Variants in NKAIN3 observed in about 807,000 individuals in gnomAD.
The protein encoded by NKAIN3 is sodium/potassium transporting ATPase interacting 3.
Under a neutral mutation model 30.2 loss-of-function variants are expected in NKAIN3, and 25 were observed. The observed-to-expected ratio is 0.83, with a 90% CI of 0.60 to 1.16. The LOEUF (loss-of-function observed/expected upper bound fraction) is 1.16. NKAIN3 is among the 50% of genes most tolerant of loss of function. The probability of loss-of-function intolerance (pLI) is 0.00; values close to 1 mark genes in which losing one functional copy is unlikely to be tolerated. For missense variants in NKAIN3, 225 were observed against 254.1 expected (o/e 0.89, Z 0.78); for synonymous variants, 91 against 89.6 (o/e 1.02, Z -0.09).
chr8:62,547,662 G>T (rs1382181661), intron 1 of NKAIN3, among the ~76,000 whole-genome samples: 2 of 152,164 alleles, frequency 1.3e-5, no homozygotes, highest in Non-Finnish European at 2.9e-5. Flanking sequence ...GCTCAGTGAT[G>T]GTCTTAACAT....
intron 3 of NKAIN3, among the ~76,000 whole-genome samples, chr8:62,607,761 T>C (rs1811170855): frequency 6.6e-6 from 1 of 152,126 alleles, no homozygotes; most frequent in Non-Finnish European, 1.5e-5. Context: ...ACCAATATAG[T>C]ATCCTGAAGG....
At chr8:62,837,542 T>G in intron 4 of NKAIN3, among the ~76,000 whole-genome samples, 1 of 152,294 alleles carries the variant, frequency 6.6e-6, no homozygotes, top group East Asian at 1.9e-4. Flanking sequence ...TGTATTAGAG[T>G]GCCCACACAT....
At chr8:62,654,177 A>G (rs1812702459) in intron 3 of NKAIN3, among the ~76,000 whole-genome samples, 1 of 151,936 alleles carries the variant, frequency 6.6e-6, no homozygotes, top group Admixed American at 6.6e-5. Context: ...TGCAAAAAAA[A>G]ACTACAATTG....
chr8:62,453,918 A>G (rs1805728313), intron 1 of NKAIN3, among the ~76,000 whole-genome samples: 1 of 152,202 alleles, frequency 6.6e-6, no homozygotes, highest in Non-Finnish European at 1.5e-5. Context: ...CCAGGATCAG[A>G]CAGATGCATA....
intron 4 of NKAIN3, among the ~76,000 whole-genome samples, chr8:62,794,279 T>C (rs1235624131): frequency 6.6e-6 from 1 of 152,168 alleles, no homozygotes; most frequent in Non-Finnish European, 1.5e-5. Flanking sequence ...CTAGTCTGGC[T>C]CCAATAAATA....
rs564124630 is a variant in NKAIN3, at chr8:62,789,720, A to C, written c.471+42591A>C. Among the ~76,000 whole-genome samples the C allele has an allele frequency of 2.0e-5, 3 of 152,118 alleles. No homozygotes were observed. The South Asian group carries it at 6.2e-4, about 32-fold the overall frequency. ...TAAACTAGAAAATTTAGAAGAAATG[A>C]ATAAATTCCTGGACACATACACTCT... On this transcript the variant is annotated intron_variant, in intron 4 of 6. Coordinates refer to ENST00000623646, the MANE Select transcript of NKAIN3 (RefSeq NM_001304533.3).
chr8:62,676,714 CTTTT>C (rs5891868), intron 3 of NKAIN3, among the ~76,000 whole-genome samples: 4 of 138,492 alleles, frequency 2.9e-5, no homozygotes, highest in Admixed American at 7.2e-5. Context: ...TAATAACAGT[CTTTT>C]TTTTTTTTTT....
At position 62,980,386 on chromosome 8, in the gene NKAIN3, T is replaced by G. The variant is rs1199773795; in HGVS notation, c.*14979T>G. 2 of 152,236 alleles carry G rather than the reference T, an allele frequency of 1.3e-5. No homozygotes were observed. Among genetic ancestry groups the G allele is most frequent in the Non-Finnish European group, 2.9e-5 (2 of 68,036 alleles). The allele number at this position is 152,236 out of a possible 1,614,324, so 9.4% of individuals were successfully genotyped here. A position where few individuals can be genotyped will look rare whatever the true frequency, so the allele number is the denominator to read the frequency against. Reference sequence around the variant, plus strand: ...ATAGCAGGCATGCAATGTAGTTTTATAAGATAATATACTAGGACCATCTAT... The same window carrying G: ...ATAGCAGGCATGCAATGTAGTTTTAGAAGATAATATACTAGGACCATCTAT... On this transcript the variant is annotated 3_prime_UTR_variant, in exon 7 of 7. Transcript: ENST00000623646.
chr8:62,801,133 C>T (rs1818047083), intron 4 of NKAIN3, among the ~76,000 whole-genome samples: 1 of 152,204 alleles, frequency 6.6e-6, no homozygotes, highest in African/African-American at 2.4e-5. Context: ...CTGGGTGGAG[C>T]CCACCACAGC....
chr8:62,371,181 TTTG>T (rs1179342701), intron 1 of NKAIN3, among the ~76,000 whole-genome samples: 5 of 151,814 alleles, frequency 3.3e-5, no homozygotes, highest in Non-Finnish European at 5.9e-5. Context: ...GACAACATAT[TTTG>T]TTGTTGTTTT....
At chr8:62,659,119 G>C (rs150976447) in intron 3 of NKAIN3, among the ~76,000 whole-genome samples, 23 of 152,312 alleles carry the variant, frequency 1.5e-4, no homozygotes, top group African/African-American at 5.5e-4. Context: ...GCTTGACTAT[G>C]CCAAGGTCAC....
At chr8:62,804,211 T>C (rs1165583232) in intron 4 of NKAIN3, among the ~76,000 whole-genome samples, 2 of 152,168 alleles carry the variant, frequency 1.3e-5, no homozygotes, top group Admixed American at 6.5e-5. Flanking sequence ...CCATTCTGTC[T>C]GAAACTATTC....
At chr8:62,580,008 C>A (rs1167680801) in intron 2 of NKAIN3, among the ~76,000 whole-genome samples, 1 of 152,128 alleles carries the variant, frequency 6.6e-6, no homozygotes, top group Non-Finnish European at 1.5e-5. Flanking sequence ...TAGTTAGATG[C>A]AATGTACATT....
chr8:62,758,512 T>A (rs1438718807), intron 4 of NKAIN3, among the ~76,000 whole-genome samples: 4 of 152,192 alleles, frequency 2.6e-5, no homozygotes, highest in African/African-American at 7.2e-5. Context: ...AAAATATTTT[T>A]ATAATTAAAA....
At chr8:62,608,670 A>G (rs1220937812) in intron 3 of NKAIN3, among the ~76,000 whole-genome samples, 1 of 152,214 alleles carries the variant, frequency 6.6e-6, no homozygotes, top group Non-Finnish European at 1.5e-5. Context: ...AGCATCTGCA[A>G]TTATAGCATG....
intron 1 of NKAIN3, among the ~76,000 whole-genome samples, chr8:62,449,429 T>C (rs1805576439): frequency 6.6e-6 from 1 of 152,040 alleles, no homozygotes; most frequent in East Asian, 1.9e-4. Context: ...CATGAAGCAC[T>C]CAGGACTGTC....
chr8:62,796,880 T>A (rs558913181), intron 4 of NKAIN3, among the ~76,000 whole-genome samples: 4 of 151,982 alleles, frequency 2.6e-5, no homozygotes, highest in African/African-American at 9.6e-5. Context: ...AATCTGTCCA[T>A]TAGCACTTCA....
chr8:62,419,830 G>T (rs1804573718), intron 1 of NKAIN3, among the ~76,000 whole-genome samples: 1 of 152,100 alleles, frequency 6.6e-6, no homozygotes, highest in African/African-American at 2.4e-5. Flanking sequence ...AAAATGTTTT[G>T]CATCAGTTCC....
intron 4 of NKAIN3, among the ~76,000 whole-genome samples, chr8:62,790,987 A>G (rs1817688112): frequency 6.6e-6 from 1 of 152,044 alleles, no homozygotes; most frequent in Non-Finnish European, 1.5e-5. Context: ...TAGTAATTGT[A>G]TTATTGTGAG....
Sources: gnomAD v4.1 joint callset for allele counts (sites outside exome capture counted in the v4.1 genomes callset) on GRCh38, gnomAD v4.1.1 for gene constraint, MANE v1.5 for transcripts, NCBI Gene and HGNC (gene_info 2026-07-23, HGNC 2026-07-21) for gene names.